STK3: variants seen among roughly 807,000 people sequenced by gnomAD.
STK3 encodes the protein serine/threonine-protein kinase 3.
STK3 carries 41 observed loss-of-function variants against 58.0 expected under a neutral mutation model. The ratio of observed to expected loss-of-function variants is 0.71; its 90% CI spans 0.55 to 0.92. The LOEUF (loss-of-function observed/expected upper bound fraction) is 0.92, where lower values mean the gene tolerates loss of function less well. STK3 is among the 40% of genes least tolerant of loss of function. STK3 has a pLI of 0.00. For synonymous variants in STK3, 170 were observed against 191.0 expected (o/e 0.89, Z 0.91); for missense variants, 479 against 602.7 (o/e 0.79, Z 2.15).
intron 3 of STK3, among the ~76,000 whole-genome samples, chr8:98,855,895 G>A (rs934317177): frequency 7.9e-5 from 12 of 151,956 alleles, no homozygotes; most frequent in African/African-American, 2.4e-4. Flanking sequence ...GGTGGTTCAC[G>A]CCTGTAATCC....
intron 2 of STK3, among the ~76,000 whole-genome samples, chr8:98,435,073 T>C (rs941263656): frequency 2.0e-5 from 3 of 152,048 alleles, no homozygotes; most frequent in South Asian, 2.1e-4. Flanking sequence ...CACAATCTGG[T>C]AGAATAGAGA....
intron 1 of STK3, among the ~76,000 whole-genome samples, chr8:98,806,155 T>C (rs1180716900): frequency 2.0e-5 from 3 of 152,180 alleles, no homozygotes; most frequent in Non-Finnish European, 2.9e-5. Context: ...TTCCATTAAA[T>C]ACCTACCACA....
intron 1 of STK3, among the ~76,000 whole-genome samples, chr8:98,922,849 AC>A (rs1839620681): frequency 6.6e-6 from 1 of 152,250 alleles, no homozygotes; most frequent in Non-Finnish European, 1.5e-5. Flanking sequence ...CTTAATGCAC[AC>A]ATACTCATTC....
chr8:98,478,883 T>C (rs1821597933), intron 10 of STK3, among the ~76,000 whole-genome samples: 1 of 152,200 alleles, frequency 6.6e-6, no homozygotes, highest in Non-Finnish European at 1.5e-5. Context: ...TCTGCTCTTA[T>C]ACACTATATT....
At chr8:98,379,566 C>T (rs1223079037) in intron 1 of STK3, among the ~76,000 whole-genome samples, 1 of 152,212 alleles carries the variant, frequency 6.6e-6, no homozygotes, top group South Asian at 2.1e-4. Flanking sequence ...CCCAACCCCA[C>T]TCCTTCTTCA....
intron 4 of STK3, among the ~76,000 whole-genome samples, chr8:98,724,820 G>T (rs930586674): frequency 1.3e-5 from 2 of 152,080 alleles, no homozygotes; most frequent in Admixed American, 6.6e-5. Flanking sequence ...GAAGCCAAAA[G>T]GTGCCAAAAG....
chr8:98,690,449 C>CAAAAA (rs34742964), intron 6 of STK3, among the ~76,000 whole-genome samples: 4 of 108,792 alleles, frequency 3.7e-5, no homozygotes, highest in Non-Finnish European at 3.8e-5. Context: ...CAATTCCTAC[C>CAAAAA]AAAAAAAAAA....
At chr8:98,374,338 TACC>T (rs1447861030) in intron 2 of STK3, among the ~76,000 whole-genome samples, 3 of 152,000 alleles carry the variant, frequency 2.0e-5, no homozygotes, top group African/African-American at 7.3e-5. Flanking sequence ...ACAGTCCAGG[TACC>T]AACCACTCAT....
At chr8:98,758,045 T>C (rs1188295276) in intron 3 of STK3, among the ~76,000 whole-genome samples, 8 of 152,328 alleles carry the variant, frequency 5.3e-5, no homozygotes, top group African/African-American at 1.9e-4. Context: ...AGAGTTTCAC[T>C]CAAAACACTG....
intron 10 of STK3, among the ~76,000 whole-genome samples, chr8:98,493,002 G>A (rs1045995516): frequency 4.0e-5 from 6 of 151,706 alleles, no homozygotes; most frequent in African/African-American, 7.3e-5. Context: ...AGGCCAAGGC[G>A]GGAGGATTGC....
the STK3 span, among the ~76,000 whole-genome samples, chr8:98,355,625 C>G: frequency 2.0e-5 from 3 of 152,330 alleles, no homozygotes; most frequent in African/African-American, 7.2e-5. Flanking sequence ...CTTGACTGCA[C>G]TTGATACATA....
chr8:98,642,019 C>A (rs1376928057), intron 6 of STK3, among the ~76,000 whole-genome samples: 3 of 152,182 alleles, frequency 2.0e-5, no homozygotes, highest in Non-Finnish European at 4.4e-5. Flanking sequence ...TACATGTTGA[C>A]ACTTTTTAGT....
At chr8:98,456,317 A>G (rs1819487834) in intron 10 of STK3, among the ~76,000 whole-genome samples, 1 of 152,214 alleles carries the variant, frequency 6.6e-6, no homozygotes, top group African/African-American at 2.4e-5. Context: ...CACTGCCAAC[A>G]AACAGATTTT....
intron 1 of STK3, among the ~76,000 whole-genome samples, chr8:98,888,354 A>G (rs1587805138): frequency 6.6e-6 from 1 of 152,150 alleles, no homozygotes; most frequent in African/African-American, 2.4e-5. Context: ...AAATAAAGTC[A>G]GAGCTATTGG....
At chr8:98,590,139 G>T (rs1815159486) in intron 7 of STK3, among the ~76,000 whole-genome samples, 1 of 152,002 alleles carries the variant, frequency 6.6e-6, no homozygotes, top group African/African-American at 2.4e-5. Context: ...CTTCTCTTGA[G>T]AAAAGTGAAT....
chr8:98,725,466 A>G (rs1413869192), intron 4 of STK3, among the ~76,000 whole-genome samples: 1 of 152,164 alleles, frequency 6.6e-6, no homozygotes, highest in African/African-American at 2.4e-5. Context: ...AGTTAAAAGT[A>G]CACTCTAGTT....
At chr8:98,705,364 G>C (rs561764275) in intron 6 of STK3, among the ~76,000 whole-genome samples, 1 of 151,082 alleles carries the variant, frequency 6.6e-6, no homozygotes, top group South Asian at 2.1e-4. Context: ...AGTGAGCCAT[G>C]ATCGCACTAC....
intron 8 of STK3, among the ~76,000 whole-genome samples, chr8:98,568,002 G>C (rs1812630747): frequency 6.6e-6 from 1 of 151,942 alleles, no homozygotes; most frequent in African/African-American, 2.4e-5. Context: ...AGGTTGCAGT[G>C]AGCTGAGATC....
chr8:98,456,750 A>G (rs915944819), intron 10 of STK3, among the ~76,000 whole-genome samples: 1 of 152,240 alleles, frequency 6.6e-6, no homozygotes, highest in Non-Finnish European at 1.5e-5. Context: ...TTTTAAAATG[A>G]TAAAACTTGC....
Sources: gnomAD v4.1 joint callset for allele counts (sites outside exome capture counted in the v4.1 genomes callset) on GRCh38, gnomAD v4.1.1 for gene constraint, MANE v1.5 for transcripts, NCBI Gene and HGNC (gene_info 2026-07-23, HGNC 2026-07-21) for gene names.